NOS2: variants seen among roughly 807,000 people sequenced by gnomAD.
The protein encoded by NOS2 is nitric oxide synthase, inducible.
Under a neutral mutation model 136.0 loss-of-function variants are expected in NOS2, and 96 were observed. That is an observed-to-expected ratio of 0.71 (90% CI 0.60 to 0.84). NOS2 has a LOEUF of 0.84. Ranked by LOEUF, NOS2 falls within the 40% of genes least tolerant of loss-of-function variation. The probability of loss-of-function intolerance (pLI) is 0.00; values close to 1 mark genes in which losing one functional copy is unlikely to be tolerated. For synonymous variants in NOS2, 539 were observed against 587.5 expected, an observed-to-expected ratio of 0.92 and a Z score of 1.20; for missense variants, 1,237 against 1,496.9, an observed-to-expected ratio of 0.83 and a Z score of 2.87.
rs200924430 is a variant in NOS2 at position 27,774,251 on chromosome 17, C to G, written c.1476+6G>C. Reference sequence around the variant, plus strand: ...CCAGGAAGGAGAGAAGAGGAAGGCCCCTAACCTGATAGTAGTAGAAAGGGG... The same window carrying G: ...CCAGGAAGGAGAGAAGAGGAAGGCCGCTAACCTGATAGTAGTAGAAAGGGG... On this transcript the variant is annotated splice_donor_region_variant and intron_variant, in intron 12 of 26. Coordinates refer to ENST00000313735, the MANE Select transcript of NOS2 (RefSeq NM_000625.4). 12 of 1,483,458 alleles carry G rather than the reference C, an allele frequency of 8.1e-6. No individual in the cohort carries two copies. In the South Asian group the frequency reaches 1.4e-4, roughly 18 times the overall value. 91.9% of individuals were successfully genotyped at this position (1,483,458 alleles called of 1,614,324 possible).
intron 5 of NOS2, among the ~76,000 whole-genome samples, chr17:27,784,173 C>A (rs2314813): frequency 0.42 from 63,894 of 151,048 alleles, 13,716 homozygotes; most frequent in Middle Eastern, 0.55. Flanking sequence ...ACCACCACCA[C>A]CAACAACAAC....
At position 27,781,842 on chromosome 17, in the gene NOS2, G is replaced by GTGA. The variant is rs199765097; in HGVS notation, c.722+172_722+173insTCA. Among the ~76,000 whole-genome samples, 8 of 152,256 alleles carry GTGA rather than the reference G, an allele frequency of 5.3e-5. No homozygotes were observed. The East Asian group carries it at 1.5e-3, about 29-fold the overall frequency. ...TGCCGATGGGAGCTGAGCTCACAGG[G>GTGA]GCTGGGCTCACTACTGGAAGTCCCC... On this transcript the variant is annotated intron_variant, in intron 7 of 26. Transcript: ENST00000313735.
intron 17 of NOS2, among the ~76,000 whole-genome samples, chr17:27,768,039 T>C (rs1398938004): frequency 6.6e-6 from 1 of 152,198 alleles, no homozygotes; most frequent in African/African-American, 2.4e-5. Flanking sequence ...CTATTGCTAC[T>C]ATTATAAATA....
intron 21 of NOS2, 69 bp from the exon 22 acceptor site, chr17:27,763,074 C>A: frequency 1.9e-6 from 2 of 1,026,404 alleles, no homozygotes; most frequent in Non-Finnish European, 2.9e-6. Context: ...CTGTCACAAC[C>A]CAGTATTCAT....
At chr17:27,790,754 C>T (rs369116154) in intron 2 of NOS2, among the ~76,000 whole-genome samples, 1 of 152,204 alleles carries the variant, frequency 6.6e-6, no homozygotes, top group East Asian at 1.9e-4. Flanking sequence ...TTAAAGATTA[C>T]TTAAAAATTC....
At chr17:27,786,522 T>C (rs1442648333) in intron 5 of NOS2, among the ~76,000 whole-genome samples, 3 of 152,234 alleles carry the variant, frequency 2.0e-5, no homozygotes, top group Non-Finnish European at 4.4e-5. Context: ...ATTTTTGTTT[T>C]AAAAGTTTTA....
At chr17:27,760,320 G>T (rs1908076993) in intron 24 of NOS2, 142 bp from the exon 25 acceptor site, 1 of 909,546 alleles carries the variant, frequency 1.1e-6, no homozygotes, top group East Asian at 2.7e-5. Context: ...CTGAGGCCCA[G>T]CGCATTCAGA....
intron 17 of NOS2, 23 bp downstream of exon 17, chr17:27,768,954 G>A (rs780142145): frequency 3.8e-6 from 6 of 1,572,520 alleles, no homozygotes; most frequent in Middle Eastern, 1.7e-4. Flanking sequence ...CCTGCTGTGG[G>A]GCAGCTCTGG....
intron 26 of NOS2, among the ~76,000 whole-genome samples, chr17:27,758,264 T>G (rs1907991720): frequency 6.6e-6 from 1 of 152,214 alleles, no homozygotes. Context: ...AGAGGCAGAC[T>G]GAACTCTAGG....
intron 2 of NOS2, chr17:27,793,467 C>CTCTAAAAGAGGAAAACGCTT: frequency 2.6e-6 from 1 of 391,932 alleles, no homozygotes; most frequent in East Asian, 3.6e-5. Flanking sequence ...TTAGTAAACC[C>CTCTAAAAGAGGAAAACGCTT]TCAGGAATCC....
chr17:27,760,804 A>G, intron 23 of NOS2, 60 bp from the exon 24 acceptor site: 1 of 1,511,464 alleles, frequency 6.6e-7, no homozygotes. Context: ...ACGCACACAC[A>G]GGATGGCTGG....
intron 14 of NOS2, among the ~76,000 whole-genome samples, chr17:27,771,841 G>T (rs1398712049): frequency 6.6e-6 from 1 of 152,258 alleles, no homozygotes; most frequent in Non-Finnish European, 1.5e-5. Context: ...CAGATCCTCA[G>T]AGCCCGGGGC....
Position 27,758,972 on chromosome 17 carries a change from G to A in NOS2, c.3263C>T (p.Ala1088Val). 1 of 1,613,166 alleles carries A rather than the reference G, an allele frequency of 6.2e-7. No individual in the cohort carries two copies. Among genetic ancestry groups the A allele is most frequent in the Non-Finnish European group, 8.5e-7 (1 of 1,179,652 alleles). Residue 1088 changes from alanine (A) to valine (V), a missense_variant, in exon 26 of 27, where the codon GCC becomes GTC. Ala to Val is a moderately conservative substitution (Grantham distance 64). Coordinates refer to ENST00000313735, the MANE Select transcript of NOS2 (RefSeq NM_000625.4). ...CTTCAGGGTGTGGGCCACGTCCCGG[G>A]CCATGCGCACATCCCCGCAAACATA... ...HLYVCGDVRM[A>V]RDVAHTLKQL...
At chr17:27,798,985 T>A (rs972020749) in intron 1 of NOS2, 103 bp from the exon 2 acceptor site, 1 of 601,222 alleles carries the variant, frequency 1.7e-6, no homozygotes, top group East Asian at 2.8e-5. Context: ...AACGCCAGCA[T>A]GAGCCCCTTC....
rs201239372 is a variant in NOS2, at chr17:27,789,664, C to T, written c.135G>A (p.Gln45=). The change falls in exon 3 of 27, where the codon CAG becomes CAA. Residue 45 remains glutamine (Q), a synonymous_variant. Transcript: ENST00000313735. ...TSSPVTQDDL[Q]YHNLSKQQNE... ...TCTGCTGCTTGCTGAGGTTGTGATA[C>T]TGAAGGTCATCCTGTGTCACTGGAC... 34 of 1,613,944 alleles carry T rather than the reference C, an allele frequency of 2.1e-5. 2 individuals carry two copies. Among genetic ancestry groups the T allele is most frequent in the African/African-American group, 4.0e-5 (3 of 74,928 alleles).
chr17:27,776,677 G>GAAAA (rs34069634), intron 11 of NOS2, among the ~76,000 whole-genome samples: 6 of 78,136 alleles, frequency 7.7e-5, no homozygotes, highest in East Asian at 4.1e-4. Context: ...ATCTCCAAAG[G>GAAAA]AAAAAAAAAA....
At chr17:27,778,394 G>A (rs925611791) in intron 11 of NOS2, among the ~76,000 whole-genome samples, 1 of 152,134 alleles carries the variant, frequency 6.6e-6, no homozygotes, top group Admixed American at 6.5e-5. Flanking sequence ...TTTGAAATGG[G>A]GCTAAGAGAG....
Position 27,771,093 on chromosome 17 carries a change from T to C in NOS2, c.1705-76A>G. 3 of 1,035,296 alleles carry C rather than the reference T, an allele frequency of 2.9e-6. 1 individual carries two copies. In the Middle Eastern group the frequency reaches 6.1e-4, roughly 210 times the overall value. The allele number at this position is 1,035,296 out of a possible 1,614,324, so 64.1% of individuals were successfully genotyped here. A position where few individuals can be genotyped will look rare whatever the true frequency, so the allele number is the denominator to read the frequency against. ...CCTACCCTGCGCAGACACCCTGGGC[T>C]TCCTCCCACACTGCCCCCAGGCTGC... On this transcript the variant is annotated intron_variant, in intron 14 of 26. Coordinates refer to ENST00000313735, the MANE Select transcript of NOS2 (RefSeq NM_000625.4).
Position 27,761,139 on chromosome 17 carries a change from C to A in NOS2, c.2888+5G>T. On this transcript the variant is annotated splice_donor_5th_base_variant and intron_variant, in intron 23 of 26. Transcript: ENST00000313735. ...CACAGGGGACAGAGTGGAAGGGGTG[C>A]TTACTTCCGCACAAAGCAGGGCACT... The A allele has an allele frequency of 1.3e-6, 2 of 1,582,612 alleles. No homozygotes were observed. Among genetic ancestry groups the A allele is most frequent in the Admixed American group, 1.8e-5 (1 of 56,830 alleles).
Sources: gnomAD v4.1 joint callset for allele counts (sites outside exome capture counted in the v4.1 genomes callset) on GRCh38, gnomAD v4.1.1 for gene constraint, MANE v1.5 for transcripts, NCBI Gene and HGNC (gene_info 2026-07-23, HGNC 2026-07-21) for gene names.